The following CSMD1 variants were observed in gnomAD, a reference collection of about 807,000 sequenced individuals.
CSMD1 encodes CUB and sushi domain-containing protein 1.
In CSMD1, 213 loss-of-function variants were observed where a neutral mutation model predicts 417.5. The observed-to-expected ratio is 0.51, with a 90% CI of 0.46 to 0.57. The LOEUF is 0.57. CSMD1 is among the 20% of genes least tolerant of loss of function. The probability of loss-of-function intolerance (pLI) is 0.00; values close to 1 mark genes in which losing one functional copy is unlikely to be tolerated. For missense variants in CSMD1, 6,923 were observed against 4,529.7 expected (o/e 1.53, Z -15.17); for synonymous variants, 2,862 against 1,736.8 (o/e 1.65, Z -16.11).
intron 3 of CSMD1, among the ~76,000 whole-genome samples, chr8:4,081,706 A>C (rs2554640): frequency 1.3e-5 from 2 of 152,056 alleles, no homozygotes; most frequent in African/African-American, 2.4e-5. Context: ...AAATTCTAAA[A>C]AGTATTTTCT....
intron 49 of CSMD1, among the ~76,000 whole-genome samples, chr8:3,053,865 A>G (rs915696324): frequency 6.6e-6 from 1 of 152,226 alleles, no homozygotes. Context: ...GCCTTCTTTT[A>G]CTCAATCAGT....
chr8:3,918,101 T>G (rs1311841839), intron 5 of CSMD1, among the ~76,000 whole-genome samples: 1 of 152,102 alleles, frequency 6.6e-6, no homozygotes, highest in East Asian at 1.9e-4. Context: ...TTGATCAAAG[T>G]GCATTTATGT....
rs77042230 is a variant in CSMD1 at position 4,724,866 on chromosome 8, T to C, written c.86-87308A>G. On this transcript the variant is annotated intron_variant, in intron 1 of 69. Coordinates refer to ENST00000635120, the MANE Select transcript of CSMD1 (RefSeq NM_033225.6). Reference sequence around the variant, plus strand: ...AATTTGAAATCTGACGGAAGTATACTTCACTATTAAAACCTCAACTATAAT... The same window carrying C: ...AATTTGAAATCTGACGGAAGTATACCTCACTATTAAAACCTCAACTATAAT... Among the ~76,000 whole-genome samples the C allele has an allele frequency of 5.2e-3, 788 of 152,200 alleles. 10 individuals are homozygous for C. Among genetic ancestry groups the C allele is most frequent in the African/African-American group, 0.018 (760 of 41,540 alleles).
At chr8:3,785,699 C>T (rs1163189482) in intron 5 of CSMD1, among the ~76,000 whole-genome samples, 1 of 152,076 alleles carries the variant, frequency 6.6e-6, no homozygotes, top group Non-Finnish European at 1.5e-5. Flanking sequence ...CATGGAGGAG[C>T]CACGTGCTAC....
intron 6 of CSMD1, among the ~76,000 whole-genome samples, chr8:3,743,503 A>T (rs927642902): frequency 2.1e-4 from 32 of 152,338 alleles, no homozygotes; most frequent in African/African-American, 7.5e-4. Context: ...AGTTTCTTCA[A>T]AAAGAATAAT....
chr8:4,533,101 T>C (rs1294764318), intron 2 of CSMD1, among the ~76,000 whole-genome samples: 1 of 152,232 alleles, frequency 6.6e-6, no homozygotes, highest in Non-Finnish European at 1.5e-5. Flanking sequence ...AGATACATCA[T>C]ATAAATGGCC....
chr8:4,364,387 C>G (rs1801949863), intron 3 of CSMD1, among the ~76,000 whole-genome samples: 1 of 152,152 alleles, frequency 6.6e-6, no homozygotes, highest in Non-Finnish European at 1.5e-5. Context: ...TTCCTGTTTA[C>G]TGTTATAGCT....
chr8:4,588,770 C>T (rs1799837741), intron 2 of CSMD1, among the ~76,000 whole-genome samples: 1 of 100,520 alleles, frequency 9.9e-6, no homozygotes, highest in Non-Finnish European at 2.2e-5. Context: ...GGCGACAGAG[C>T]AAGACTCCGA....
At chr8:3,516,295 G>A (rs917558246) in intron 10 of CSMD1, among the ~76,000 whole-genome samples, 20 of 152,148 alleles carry the variant, frequency 1.3e-4, no homozygotes, top group African/African-American at 4.6e-4. Flanking sequence ...GCTAAGTTCT[G>A]GGATTATAAA....
intron 1 of CSMD1, among the ~76,000 whole-genome samples, chr8:4,855,705 G>A (rs1388063630): frequency 2.0e-5 from 3 of 152,020 alleles, no homozygotes; most frequent in African/African-American, 7.2e-5. Context: ...GAGAAGGGAA[G>A]TCTAGAGAAA....
intron 1 of CSMD1, among the ~76,000 whole-genome samples, chr8:4,672,323 G>C (rs1170502054): frequency 6.6e-6 from 1 of 152,138 alleles, no homozygotes; most frequent in Admixed American, 6.5e-5. Flanking sequence ...TCTCAACCTA[G>C]GGTAAAAGGT....
chr8:4,070,500 G>A (rs1015878324), intron 3 of CSMD1, among the ~76,000 whole-genome samples: 2 of 152,110 alleles, frequency 1.3e-5, no homozygotes, highest in African/African-American at 2.4e-5. Context: ...TGGGACTACA[G>A]GCGCCCGCCA....
At chr8:3,821,995 G>C (rs1253032712) in intron 5 of CSMD1, among the ~76,000 whole-genome samples, 5 of 152,082 alleles carry the variant, frequency 3.3e-5, no homozygotes, top group Admixed American at 6.5e-5. Context: ...TGCTCTGGTT[G>C]TAATACAACT....
At chr8:3,585,490 C>A (rs1446810551) in intron 9 of CSMD1, among the ~76,000 whole-genome samples, 1 of 152,032 alleles carries the variant, frequency 6.6e-6, no homozygotes, top group Non-Finnish European at 1.5e-5. Context: ...CATTTTAAAA[C>A]AACCAAAATA....
chr8:3,526,074 C>G (rs1797741563), intron 10 of CSMD1, among the ~76,000 whole-genome samples: 1 of 152,050 alleles, frequency 6.6e-6, no homozygotes, highest in South Asian at 2.1e-4. Flanking sequence ...TTCAAAGAAC[C>G]ATCAACATGC....
At chr8:2,996,108 T>A (rs1290399964) in intron 54 of CSMD1, among the ~76,000 whole-genome samples, 1 of 152,192 alleles carries the variant, frequency 6.6e-6, no homozygotes, top group Non-Finnish European at 1.5e-5. Flanking sequence ...AATCTACAGT[T>A]ATCTCAAAAT....
At chr8:3,473,270 C>A (rs991486490) in intron 11 of CSMD1, among the ~76,000 whole-genome samples, 1 of 152,074 alleles carries the variant, frequency 6.6e-6, no homozygotes, top group Non-Finnish European at 1.5e-5. Flanking sequence ...ACACAAAGTT[C>A]TTCAATCAAA....
intron 3 of CSMD1, among the ~76,000 whole-genome samples, chr8:4,184,516 G>A (rs1332779092): frequency 1.3e-5 from 2 of 152,108 alleles, no homozygotes; most frequent in African/African-American, 4.8e-5. Flanking sequence ...ATACACCATG[G>A]AATACTATGC....
intron 3 of CSMD1, among the ~76,000 whole-genome samples, chr8:4,105,048 C>T (rs2130890741): frequency 6.6e-6 from 1 of 152,020 alleles, no homozygotes; most frequent in Non-Finnish European, 1.5e-5. Flanking sequence ...GGGCCTAATT[C>T]CAACTAAAGG....
Sources: gnomAD v4.1 joint callset for allele counts (sites outside exome capture counted in the v4.1 genomes callset) on GRCh38, gnomAD v4.1.1 for gene constraint, MANE v1.5 for transcripts, NCBI Gene and HGNC (gene_info 2026-07-23, HGNC 2026-07-21) for gene names.